Variants in ZNF277 observed in about 807,000 individuals in gnomAD.
ZNF277 encodes zinc finger protein 277.
Under a neutral mutation model 60.7 loss-of-function variants are expected in ZNF277, and 55 were observed. The observed-to-expected ratio is 0.91, with a 90% CI of 0.73 to 1.13. ZNF277 has a LOEUF of 1.13. Ranked by LOEUF, ZNF277 falls within the 50% of genes most tolerant of loss-of-function variation. The probability of loss-of-function intolerance (pLI) is 0.00; values close to 1 mark genes in which losing one functional copy is unlikely to be tolerated. For synonymous variants in ZNF277, 178 were observed against 179.3 expected, an observed-to-expected ratio of 0.99 and a Z score of 0.06; for missense variants, 510 against 523.0, an observed-to-expected ratio of 0.98 and a Z score of 0.24.
rs774264297 is a variant in ZNF277 at position 112,340,906 on chromosome 7, T to C, written c.1044T>C (p.Asn348=). 5.0e-6 allele frequency: 8 copies of C among 1,611,676 alleles called. No homozygotes were observed. The highest frequency in any genetic ancestry group is 3.3e-4 in the Middle Eastern group (2 of 6,058). ...TCTATCAGCAAGTGAAACTGGTCAATTTTATTCGGAGGCAAGTTCACCAAT... is the reference window on the plus strand; with the variant it reads ...TCTATCAGCAAGTGAAACTGGTCAACTTTATTCGGAGGCAAGTTCACCAAT... ...LNFYQQVKLV[N]FIRRQVHQCR... Residue 348 remains asparagine, a synonymous_variant, in exon 11 of 12, where the codon AAT becomes AAC. Coordinates refer to ENST00000361822, the MANE Select transcript of ZNF277 (RefSeq NM_021994.3).
rs34894222 is a variant in ZNF277 at position 112,214,960 on chromosome 7, GA to G, written c.91+8163del. 1.7e-3 allele frequency among the ~76,000 whole-genome samples: 255 copies of G among 149,104 alleles called. 2 individuals carry two copies. The highest frequency in any genetic ancestry group is 5.7e-3 in the African/African-American group (233 of 40,796). On this transcript the variant is annotated intron_variant, in intron 1 of 11. Coordinates refer to ENST00000361822, the MANE Select transcript of ZNF277 (RefSeq NM_021994.3). ...CCTCTCTGAGCCTCAGTTTCATCAG[GA>G]AAAAAAAAATGATGTTGATATTATT...
chr7:112,250,979 T>C (rs77043985), intron 1 of ZNF277, among the ~76,000 whole-genome samples: 1,985 of 152,298 alleles, frequency 0.013, 47 homozygotes, highest in African/African-American at 0.046. Flanking sequence ...TTTCAACAAA[T>C]ATCAACTTTT....
chr7:112,336,305 G>T, intron 8 of ZNF277, 134 bp downstream of exon 8: 1 of 637,210 alleles, frequency 1.6e-6, no homozygotes, highest in African/African-American at 1.9e-5. Flanking sequence ...ATCCCTTCAT[G>T]TAATGTGGCA....
At chr7:112,304,721 T>A (rs1440699795) in intron 4 of ZNF277, among the ~76,000 whole-genome samples, 1 of 152,144 alleles carries the variant, frequency 6.6e-6, no homozygotes, top group Non-Finnish European at 1.5e-5. Flanking sequence ...CGTCTTACTG[T>A]CAGAAAAGAT....
chr7:112,322,998 C>T (rs757476228), intron 5 of ZNF277, among the ~76,000 whole-genome samples: 17 of 151,078 alleles, frequency 1.1e-4, no homozygotes, highest in Non-Finnish European at 2.1e-4. Flanking sequence ...GATAATGATC[C>T]GACAGATTTC....
Position 112,310,478 on chromosome 7 carries a change from A to AGAGAGAGAGAGAGAGAGAGAGAGT in ZNF277, c.466-7703_466-7702insAGAGAGAGAGAGAGAGAGAGAGTG, listed in dbSNP as rs762824873. Among the ~76,000 whole-genome samples, 875 of 125,378 alleles carry AGAGAGAGAGAGAGAGAGAGAGAGT rather than the reference A, an allele frequency of 7.0e-3. 25 individuals carry two copies. The highest frequency in any genetic ancestry group is 0.026 in the African/African-American group (665 of 25,688). 82.3% of individuals were successfully genotyped at this position (125,378 alleles called of 152,430 possible). ...TTGAGAGAGAGAGAGAGAGAGAGAGAGTGTGTGTGTGTGTATGTATTTTAT... is the reference window on the plus strand; with the variant it reads ...TTGAGAGAGAGAGAGAGAGAGAGAGAGAGAGAGAGAGAGAGAGAGAGAGTGTGTGTGTGTGTGTATGTATTTTAT... On this transcript the variant is annotated intron_variant, in intron 4 of 11. Coordinates refer to ENST00000361822, the MANE Select transcript of ZNF277 (RefSeq NM_021994.3).
chr7:112,262,477 T>C (rs1196614642), intron 1 of ZNF277, among the ~76,000 whole-genome samples: 4 of 152,142 alleles, frequency 2.6e-5, no homozygotes, highest in Non-Finnish European at 5.9e-5. Flanking sequence ...ATAGGGATTG[T>C]CTGTTTGCCA....
At chr7:112,283,038 T>G (rs1358881239) in intron 1 of ZNF277, among the ~76,000 whole-genome samples, 1 of 152,210 alleles carries the variant, frequency 6.6e-6, no homozygotes, top group African/African-American at 2.4e-5. Flanking sequence ...TCAGTGTACA[T>G]GCCAGGTAAA....
At chr7:112,230,346 G>A (rs1822290029) in intron 1 of ZNF277, among the ~76,000 whole-genome samples, 1 of 152,164 alleles carries the variant, frequency 6.6e-6, no homozygotes, top group Admixed American at 6.5e-5. Flanking sequence ...AATTGGACAT[G>A]TTCCTTATGT....
chr7:112,224,163 A>T (rs925460001), intron 1 of ZNF277, among the ~76,000 whole-genome samples: 7 of 152,200 alleles, frequency 4.6e-5, no homozygotes, highest in African/African-American at 1.7e-4. Context: ...CTGGCAGAAA[A>T]AATATTTTAT....
intron 1 of ZNF277, among the ~76,000 whole-genome samples, chr7:112,233,940 A>T (rs185225821): frequency 4.8e-4 from 72 of 151,576 alleles, no homozygotes; most frequent in African/African-American, 1.7e-3. Context: ...TTTTTCAGTT[A>T]TGCTAACTGC....
intron 1 of ZNF277, among the ~76,000 whole-genome samples, chr7:112,226,816 CTT>C (rs907026659): frequency 6.6e-6 from 1 of 152,048 alleles, no homozygotes; most frequent in African/African-American, 2.4e-5. Context: ...CTAGGCATCT[CTT>C]TGATGTAAAA....
chr7:112,214,240 T>C lies in ZNF277; in HGVS notation c.91+7433T>C, dbSNP rs181184015. ...CAGATTCATATAATAGAAATCATAC[T>C]CTCTTCTAAATATAAATCACGAGTA... is the stretch of plus-strand genomic sequence containing the variant. On this transcript the variant is annotated intron_variant, in intron 1 of 11. Transcript: ENST00000361822. Among the ~76,000 whole-genome samples the C allele has an allele frequency of 1.6e-4, 25 of 152,314 alleles. No individual in the cohort carries two copies. In the East Asian group the frequency reaches 4.6e-3, roughly 28 times the overall value.
chr7:112,232,478 G>C (rs574917273), intron 1 of ZNF277, among the ~76,000 whole-genome samples: 1 of 152,134 alleles, frequency 6.6e-6, no homozygotes, highest in East Asian at 1.9e-4. Flanking sequence ...AAGAATTGAG[G>C]CCACTTCTCT....
chr7:112,285,915 A>G (rs1251930445), intron 1 of ZNF277, among the ~76,000 whole-genome samples: 1 of 152,212 alleles, frequency 6.6e-6, no homozygotes, highest in African/African-American at 2.4e-5. Context: ...CTTTCTGAAG[A>G]AGGTTCTCTT....
chr7:112,220,857 G>A (rs1008542131), intron 1 of ZNF277, among the ~76,000 whole-genome samples: 1 of 152,286 alleles, frequency 6.6e-6, no homozygotes, highest in Non-Finnish European at 1.5e-5. Context: ...AGCATAGGGG[G>A]AGGGACAATT....
intron 4 of ZNF277, among the ~76,000 whole-genome samples, chr7:112,306,430 G>C (rs184408320): frequency 1.3e-5 from 2 of 152,016 alleles, no homozygotes; most frequent in Non-Finnish European, 2.9e-5. Flanking sequence ...GGCCAGGCTG[G>C]TCTTGAACTC....
Position 112,217,667 on chromosome 7 carries a change from C to T in ZNF277, c.91+10860C>T, listed in dbSNP as rs192881622. ...TAACAGCCCTTTCCCAAAACAAACC[C>T]GCTTCTTGCCTGGCGAGTAGACTGC... On this transcript the variant is annotated intron_variant, in intron 1 of 11. Transcript: ENST00000361822. Among the ~76,000 whole-genome samples, 23 of 152,248 alleles carry T rather than the reference C, an allele frequency of 1.5e-4. 1 individual carries two copies. The highest frequency in any genetic ancestry group is 6.2e-4 in the South Asian group (3 of 4,820).
chr7:112,235,537 T>C (rs1160179615), intron 1 of ZNF277, among the ~76,000 whole-genome samples: 2 of 152,136 alleles, frequency 1.3e-5, no homozygotes, highest in Non-Finnish European at 2.9e-5. Flanking sequence ...TTCATGTTCT[T>C]ATTGACTCTT....
Sources: gnomAD v4.1 joint callset for allele counts (sites outside exome capture counted in the v4.1 genomes callset) on GRCh38, gnomAD v4.1.1 for gene constraint, MANE v1.5 for transcripts, NCBI Gene and HGNC (gene_info 2026-07-23, HGNC 2026-07-21) for gene names.